Variants in UMAD1 observed in about 807,000 individuals in gnomAD.
UMAD1 encodes the protein UBAP1-MVB12-associated (UMA) domain containing 1, also known as UBAP1-MVB12-associated (UMA)-domain containing protein 1.
In UMAD1, 8 loss-of-function variants were observed where a neutral mutation model predicts 6.1. That is an observed-to-expected ratio of 1.30 (90% CI 0.76 to 2.35). UMAD1 has a LOEUF of 2.35. UMAD1 is among the 30% of genes most tolerant of loss of function. The probability of loss-of-function intolerance (pLI) is 0.00; values close to 1 mark genes in which losing one functional copy is unlikely to be tolerated. For synonymous variants in UMAD1, 56 were observed against 31.4 expected (o/e 1.78, Z -2.61); for missense variants, 130 against 78.4 (o/e 1.66, Z -2.49).
chr7:7,751,899 C>G (rs1275020231), intron 2 of UMAD1, among the ~76,000 whole-genome samples: 2 of 152,198 alleles, frequency 1.3e-5, no homozygotes, highest in African/African-American at 2.4e-5. Flanking sequence ...GTCCTTCTAT[C>G]ACATTTCCTC....
chr7:7,688,738 T>C (rs1780098363), intron 2 of UMAD1, among the ~76,000 whole-genome samples: 1 of 152,230 alleles, frequency 6.6e-6, no homozygotes, highest in Non-Finnish European at 1.5e-5. Flanking sequence ...AATTATGTTG[T>C]AACCTCCTAA....
rs1025225673 is a variant in UMAD1, at chr7:7,830,116, TCTA to T, written c.156+28377_156+28379del. On this transcript the variant is annotated intron_variant, in intron 3 of 3. Transcript: ENST00000682710. This position sits in a 1 kb window ranked among gnomAD's most constrained non-coding sequence, Gnocchi z 5.3. ...TATTTTCCCACCTCTCCCTCAAAAA[TCTA>T]CTATGTTATTTGTTCCTTAAGAGGC... Among the ~76,000 whole-genome samples, 1 of 152,152 alleles carries T rather than the reference TCTA, an allele frequency of 6.6e-6. No individual in the cohort carries two copies. Among genetic ancestry groups the T allele is most frequent in the African/African-American group, 2.4e-5 (1 of 41,436 alleles).
chr7:7,690,729 G>A (rs1405093097), intron 2 of UMAD1, among the ~76,000 whole-genome samples: 2 of 152,020 alleles, frequency 1.3e-5, no homozygotes, highest in Admixed American at 6.6e-5. Context: ...ATAGTATTGA[G>A]CTACCTTATA....
chr7:7,764,973 C>A (rs1344273910), intron 2 of UMAD1, among the ~76,000 whole-genome samples: 1 of 151,970 alleles, frequency 6.6e-6, no homozygotes, highest in South Asian at 2.1e-4. Context: ...ACTGGTGACA[C>A]CTCTGCTCTG....
intron 2 of UMAD1, among the ~76,000 whole-genome samples, chr7:7,710,272 C>T (rs1023189118): frequency 6.6e-6 from 1 of 151,954 alleles, no homozygotes; most frequent in African/African-American, 2.4e-5. Context: ...AAACAAAACA[C>T]CTTGATCTGT....
chr7:7,816,290 T>C (rs1048236004), intron 3 of UMAD1, among the ~76,000 whole-genome samples: 7 of 152,216 alleles, frequency 4.6e-5, no homozygotes, highest in Non-Finnish European at 7.3e-5. Context: ...CTCCACTATA[T>C]AAATAACGCT....
rs949749977 is a variant in UMAD1 at position 7,877,302 on chromosome 7, A to T, written c.178A>T (p.Ser60Cys). 2.4e-5 allele frequency: 17 copies of T among 715,814 alleles called. No homozygotes were observed. The highest frequency in any genetic ancestry group is 2.3e-4 in the Middle Eastern group (1 of 4,388). The allele number at this position is 715,814 out of a possible 1,614,324, so 44.3% of individuals were successfully genotyped here. A position where few individuals can be genotyped will look rare whatever the true frequency, so the allele number is the denominator to read the frequency against. ...PLETNKENSS[S>C]VTVSDPEMEN... Reference sequence around the variant, plus strand: ...TTAGACCAACAAAGAAAATTCATCCAGTGTGACTGTATCAGACCCTGAGAT... The same window carrying T: ...TTAGACCAACAAAGAAAATTCATCCTGTGTGACTGTATCAGACCCTGAGAT... Residue 60 changes from serine to cysteine, a missense_variant, in exon 4 of 4, where the codon AGT (serine) becomes TGT (cysteine). Coordinates refer to ENST00000682710, the MANE Select transcript of UMAD1 (RefSeq NM_001302348.2).
chr7:7,727,152 C>T (rs892113692), intron 2 of UMAD1, among the ~76,000 whole-genome samples: 2 of 152,210 alleles, frequency 1.3e-5, no homozygotes, highest in African/African-American at 4.8e-5. Context: ...ATACCAGCTA[C>T]AACCACATGA....
intron 2 of UMAD1, among the ~76,000 whole-genome samples, chr7:7,708,175 A>G (rs900061471): frequency 7.9e-5 from 12 of 152,190 alleles, no homozygotes; most frequent in African/African-American, 1.9e-4. Context: ...TAGCAATTAC[A>G]TATTCAAACA....
chr7:7,811,777 A>C (rs1053419696), intron 3 of UMAD1, among the ~76,000 whole-genome samples: 1 of 152,216 alleles, frequency 6.6e-6, no homozygotes, highest in African/African-American at 2.4e-5. Flanking sequence ...GGAAAATTCA[A>C]TGGTCCTTGC....
intron 2 of UMAD1, among the ~76,000 whole-genome samples, chr7:7,695,931 T>C (rs1780303860): frequency 1.3e-5 from 2 of 152,098 alleles, no homozygotes; most frequent in African/African-American, 4.8e-5. Context: ...AGATGGATCA[T>C]TGACCTTTGT....
At chr7:7,700,892 A>G (rs1368412184) in intron 2 of UMAD1, among the ~76,000 whole-genome samples, 1 of 152,090 alleles carries the variant, frequency 6.6e-6, no homozygotes, top group African/African-American at 2.4e-5. Flanking sequence ...CCATCTTAAA[A>G]AAAAACAAAA....
At chr7:7,674,266 ATAC>A (rs775938866) in intron 2 of UMAD1, among the ~76,000 whole-genome samples, 1 of 152,196 alleles carries the variant, frequency 6.6e-6, no homozygotes, top group Non-Finnish European at 1.5e-5. Flanking sequence ...CCTTTTCCAG[ATAC>A]TGGTTTCCTA....
Position 7,646,211 on chromosome 7 carries a change from G to A in UMAD1, c.-64+5390G>A, listed in dbSNP as rs1049919052. Among the ~76,000 whole-genome samples, 25 of 152,278 alleles carry A rather than the reference G, an allele frequency of 1.6e-4. 1 individual carries two copies. Among genetic ancestry groups the A allele is most frequent in the African/African-American group, 5.5e-4 (23 of 41,566 alleles). On this transcript the variant is annotated intron_variant, in intron 1 of 3. Transcript: ENST00000682710. ...CTGAATTCTTGTCTAGCATCGAGGA[G>A]GAATCAGGTTACATGGGCTTGAAAG...
chr7:7,865,235 A>G (rs1318684929), intron 3 of UMAD1, among the ~76,000 whole-genome samples: 1 of 152,222 alleles, frequency 6.6e-6, no homozygotes, highest in East Asian at 1.9e-4. Context: ...TGTGATTGGC[A>G]TCTGAAATGG....
At chr7:7,853,271 G>C (rs1002736373) in intron 3 of UMAD1, among the ~76,000 whole-genome samples, 4 of 152,146 alleles carry the variant, frequency 2.6e-5, no homozygotes, top group Non-Finnish European at 4.4e-5. Flanking sequence ...CTCCAACTTT[G>C]TTCGTTTTCA....
chr7:7,874,610 A>T (rs1258535933), intron 3 of UMAD1, among the ~76,000 whole-genome samples: 5 of 152,232 alleles, frequency 3.3e-5, no homozygotes, highest in Admixed American at 3.3e-4. Context: ...TGAGCTCAAG[A>T]GTTCGAGACC....
intron 2 of UMAD1, among the ~76,000 whole-genome samples, chr7:7,719,350 A>G (rs1238317669): frequency 6.6e-6 from 1 of 152,224 alleles, no homozygotes; most frequent in Non-Finnish European, 1.5e-5. Flanking sequence ...AAGCCATTGC[A>G]TCTGCACTTG....
At chr7:7,730,599 G>A (rs1781228482) in intron 2 of UMAD1, among the ~76,000 whole-genome samples, 1 of 152,102 alleles carries the variant, frequency 6.6e-6, no homozygotes, top group Non-Finnish European at 1.5e-5. Context: ...AGGTACACTA[G>A]GTGTCTGTCT....
Sources: gnomAD v4.1 joint callset for allele counts (sites outside exome capture counted in the v4.1 genomes callset) on GRCh38, gnomAD v4.1.1 for gene constraint, Gnocchi (gnomAD v3.1) non-coding constraint, MANE v1.5 for transcripts, NCBI Gene and HGNC (gene_info 2026-07-23, HGNC 2026-07-21) for gene names.